COBL: variants seen among roughly 807,000 people sequenced by gnomAD.
COBL encodes the protein protein cordon-bleu.
A neutral mutation model predicts 98.8 loss-of-function variants in COBL; 51 were observed. The ratio of observed to expected loss-of-function variants is 0.52; its 90% CI spans 0.41 to 0.65. The LOEUF (loss-of-function observed/expected upper bound fraction) is 0.65, where lower values mean the gene tolerates loss of function less well. Ranked by LOEUF, COBL falls within the 30% of genes least tolerant of loss-of-function variation. The probability of loss-of-function intolerance (pLI) is 0.00; values close to 1 mark genes in which losing one functional copy is unlikely to be tolerated. For synonymous variants in COBL, 634 were observed against 651.7 expected (o/e 0.97, Z 0.41); for missense variants, 1,617 against 1,617.5 (o/e 1.00, Z 0.01).
In COBL at chr7:51,021,808, G is replaced by A. The variant is rs111952110; in HGVS notation, c.3768+3301C>T. ...TCTAACCAGGCTTATTAGAAAAATTGTAATTCATTTCCCAAATCGCAAATG... is the reference window on the plus strand; with the variant it reads ...TCTAACCAGGCTTATTAGAAAAATTATAATTCATTTCCCAAATCGCAAATG... On this transcript the variant is annotated intron_variant, in intron 12 of 12. Transcript: ENST00000265136. Among the ~76,000 whole-genome samples, 590 of 152,316 alleles carry A rather than the reference G, an allele frequency of 3.9e-3. 3 individuals are homozygous for A. The highest frequency in any genetic ancestry group is 0.013 in the African/African-American group (539 of 41,582).
intron 1 of COBL, among the ~76,000 whole-genome samples, chr7:51,229,349 C>G (rs1055049176): frequency 6.6e-6 from 1 of 152,248 alleles, no homozygotes; most frequent in Non-Finnish European, 1.5e-5. Context: ...AGTGAATTGT[C>G]TTGGTTCACT....
intron 1 of COBL, among the ~76,000 whole-genome samples, chr7:51,229,336 G>A (rs192306766): frequency 1.7e-3 from 255 of 152,392 alleles, no homozygotes; most frequent in Non-Finnish European, 3.3e-3. Context: ...CAGAAAGACA[G>A]TGAGTGAATT....
chr7:51,239,341 T>TTCG (rs1273777781), intron 1 of COBL, among the ~76,000 whole-genome samples: 1 of 152,150 alleles, frequency 6.6e-6, no homozygotes, highest in African/African-American at 2.4e-5. Context: ...GTGACCTTTG[T>TTCG]TCGTCCTCAC....
intron 8 of COBL, among the ~76,000 whole-genome samples, chr7:51,042,260 A>G (rs1789274893): frequency 1.3e-5 from 2 of 152,230 alleles, no homozygotes; most frequent in Admixed American, 6.5e-5. Context: ...AAAAGAAAAC[A>G]TTAATTAAGT....
chr7:51,128,067 C>G (rs1798391231), intron 6 of COBL, among the ~76,000 whole-genome samples: 1 of 152,090 alleles, frequency 6.6e-6, no homozygotes, highest in African/African-American at 2.4e-5. Context: ...AAGATGGGTC[C>G]CTGGATACAT....
chr7:51,037,522 T>G (rs1028413566), intron 8 of COBL, among the ~76,000 whole-genome samples: 1 of 152,224 alleles, frequency 6.6e-6, no homozygotes, highest in Non-Finnish European at 1.5e-5. Context: ...CGGAAGAGTC[T>G]GTGAGTCCAT....
At chr7:51,174,235 C>G (rs775569527) in intron 5 of COBL, among the ~76,000 whole-genome samples, 7 of 152,126 alleles carry the variant, frequency 4.6e-5, no homozygotes, top group Non-Finnish European at 8.8e-5. Context: ...GCACTATGCT[C>G]GGCTTGGAGC....
intron 2 of COBL, among the ~76,000 whole-genome samples, chr7:51,200,765 T>C (rs1235464884): frequency 6.6e-6 from 1 of 152,084 alleles, no homozygotes; most frequent in Admixed American, 6.6e-5. Context: ...CAAGAGTAAG[T>C]CCTTACCTAT....
At chr7:51,271,795 C>G (rs4948212) in intron 1 of COBL, among the ~76,000 whole-genome samples, 33 of 152,088 alleles carry the variant, frequency 2.2e-4, no homozygotes, top group African/African-American at 7.7e-4. Context: ...TTTGGAAGAC[C>G]GAGGCAGGAG....
At chr7:51,170,428 G>A (rs1262446808) in intron 5 of COBL, among the ~76,000 whole-genome samples, 2 of 149,366 alleles carry the variant, frequency 1.3e-5, no homozygotes, top group African/African-American at 4.9e-5. Context: ...CATGCTTTTC[G>A]GGGTTTTCCT....
At chr7:51,129,924 A>G (rs1402064379) in intron 6 of COBL, among the ~76,000 whole-genome samples, 1 of 152,188 alleles carries the variant, frequency 6.6e-6, no homozygotes, top group African/African-American at 2.4e-5. Context: ...AGGGTAGAGG[A>G]GCATGAGCAG....
rs115010793 is a variant in COBL at position 51,284,169 on chromosome 7, C to T, written c.41+32424G>A. On this transcript the variant is annotated intron_variant, in intron 1 of 12. Coordinates refer to ENST00000265136, the MANE Select transcript of COBL (RefSeq NM_015198.5). Reference sequence around the variant, plus strand: ...AAAAAAAAAGCACTAGGCATGGTGGCGGGTGCCTGTAGTCCCAGCTACTCG... The same window carrying T: ...AAAAAAAAAGCACTAGGCATGGTGGTGGGTGCCTGTAGTCCCAGCTACTCG... 3.0e-3 allele frequency among the ~76,000 whole-genome samples: 429 copies of T among 141,884 alleles called. 7 individuals carry two copies. The highest frequency in any genetic ancestry group is 9.8e-3 in the African/African-American group (379 of 38,832). The allele number at this position is 141,884 out of a possible 152,430, so 93.1% of individuals were successfully genotyped here.
chr7:51,118,709 T>C (rs1431553442), intron 6 of COBL, among the ~76,000 whole-genome samples: 1 of 152,114 alleles, frequency 6.6e-6, no homozygotes, highest in East Asian at 1.9e-4. Flanking sequence ...CTGGGGCCCT[T>C]GGAGGTTCAA....
At chr7:51,300,686 C>G (rs1298767771) in intron 1 of COBL, among the ~76,000 whole-genome samples, 1 of 152,144 alleles carries the variant, frequency 6.6e-6, no homozygotes, top group Non-Finnish European at 1.5e-5. Flanking sequence ...AATGCCTTCT[C>G]CAGGGAGCTC....
At chr7:51,266,447 G>A (rs1489378400) in intron 1 of COBL, among the ~76,000 whole-genome samples, 2 of 152,062 alleles carry the variant, frequency 1.3e-5, no homozygotes, top group African/African-American at 2.4e-5. Context: ...GCATGGTGGC[G>A]CATTCCTGTA....
chr7:51,198,661 T>C (rs1025589354), intron 2 of COBL, among the ~76,000 whole-genome samples: 3 of 152,254 alleles, frequency 2.0e-5, no homozygotes, highest in African/African-American at 4.8e-5. Flanking sequence ...GTAACTTGCA[T>C]AATTCTTGCA....
At position 51,040,190 on chromosome 7, in the gene COBL, G is replaced by GT. The variant is rs1300022012; in HGVS notation, c.1406+3192dup. Among the ~76,000 whole-genome samples, 224 of 123,432 alleles carry GT rather than the reference G, an allele frequency of 1.8e-3. 2 individuals are homozygous for GT. Among genetic ancestry groups the GT allele is most frequent in the African/African-American group, 6.6e-3 (187 of 28,500 alleles). 81.0% of individuals were successfully genotyped at this position (123,432 alleles called of 152,430 possible). A position where few individuals can be genotyped will look rare whatever the true frequency, so the allele number is the denominator to read the frequency against. On this transcript the variant is annotated intron_variant, in intron 8 of 12. Coordinates refer to ENST00000265136, the MANE Select transcript of COBL (RefSeq NM_015198.5). ...TAATTTGTCAGTTGAGATAATTTCT[G>GT]TTAAAAAAAAAAAAAAAACCTCAAA...
chr7:51,231,495 A>G (rs1794749287), intron 1 of COBL, among the ~76,000 whole-genome samples: 1 of 152,240 alleles, frequency 6.6e-6, no homozygotes, highest in Non-Finnish European at 1.5e-5. Flanking sequence ...GCAGAACTGC[A>G]GGCCTGAAGC....
At chr7:51,030,517 T>C (rs111628626) in intron 9 of COBL, among the ~76,000 whole-genome samples, 2 of 152,348 alleles carry the variant, frequency 1.3e-5, no homozygotes, top group African/African-American at 4.8e-5. Context: ...GCGCCACCCT[T>C]TTTATTCTTT....
Sources: gnomAD v4.1 joint callset for allele counts (sites outside exome capture counted in the v4.1 genomes callset) on GRCh38, gnomAD v4.1.1 for gene constraint, MANE v1.5 for transcripts, NCBI Gene and HGNC (gene_info 2026-07-23, HGNC 2026-07-21) for gene names.